ANKHD1: variants seen among roughly 807,000 people sequenced by gnomAD.
ANKHD1 encodes ankyrin repeat and KH domain containing 1, also known as ankyrin repeat and KH domain-containing protein 1.
ANKHD1 carries 31 observed loss-of-function variants against 230.5 expected under a neutral mutation model. That is an observed-to-expected ratio of 0.13 (90% CI 0.10 to 0.18). The LOEUF is 0.18. Among genes scored for constraint, ANKHD1 ranks in the 10% least tolerant of loss-of-function variants. The pLI is 1.00. For missense variants in ANKHD1, 2,256 were observed against 3,071.3 expected, an observed-to-expected ratio of 0.73 and a Z score of 6.27; for synonymous variants, 1,074 against 1,117.6, an observed-to-expected ratio of 0.96 and a Z score of 0.78.
chr5:140,411,916 A>G (rs1169739417), intron 1 of ANKHD1, among the ~76,000 whole-genome samples: 1 of 150,574 alleles, frequency 6.6e-6, no homozygotes, highest in East Asian at 2.0e-4. Flanking sequence ...TCACGATCGT[A>G]TGGCGCAATC....
At chr5:140,530,519 T>TA (rs1192413548) in intron 29 of ANKHD1, among the ~76,000 whole-genome samples, 1 of 152,204 alleles carries the variant, frequency 6.6e-6, no homozygotes, top group African/African-American at 2.4e-5. Context: ...CCAGCCTAGA[T>TA]ACAGCTATTT....
chr5:140,455,417 A>G (rs1350867265), intron 7 of ANKHD1, among the ~76,000 whole-genome samples: 1 of 152,208 alleles, frequency 6.6e-6, no homozygotes, highest in African/African-American at 2.4e-5. Context: ...ACAAAAAAAG[A>G]GAATTTTAGA....
At chr5:140,430,648 C>T (rs1450329769) in intron 1 of ANKHD1, among the ~76,000 whole-genome samples, 1 of 136,686 alleles carries the variant, frequency 7.3e-6, no homozygotes, top group East Asian at 2.4e-4. Flanking sequence ...TAAATGGTTT[C>T]CATCTTTTTT....
Position 140,527,136 on chromosome 5 carries a change from G to A in ANKHD1, c.5087+62G>A, listed in dbSNP as rs1753640145. ...TATTTTCCCTTTCTCATGTGAGATG[G>A]CTACCTAGTTAATTAATGAATAATT... is the stretch of plus-strand genomic sequence containing the variant. On this transcript the variant is annotated intron_variant, in intron 27 of 33. Transcript: ENST00000360839. This position sits in a 1 kb window ranked among gnomAD's most constrained non-coding sequence, Gnocchi z 4.5. The A allele has an allele frequency of 1.1e-5, 17 of 1,501,130 alleles. No homozygotes were observed. The South Asian group carries it at 2.2e-4, about 19-fold the overall frequency. 93.0% of individuals were successfully genotyped at this position (1,501,130 alleles called of 1,614,324 possible).
At chr5:140,526,686 T>C (rs1338867693) in intron 26 of ANKHD1, among the ~76,000 whole-genome samples, 1 of 82,652 alleles carries the variant, frequency 1.2e-5, no homozygotes, top group African/African-American at 3.7e-5. Flanking sequence ...ATTTGCATGC[T>C]TTGATTTTAT....
At chr5:140,483,015 A>G (rs1751352260) in intron 11 of ANKHD1, among the ~76,000 whole-genome samples, 1 of 152,188 alleles carries the variant, frequency 6.6e-6, no homozygotes, top group African/African-American at 2.4e-5. Context: ...TAAGTCTGCT[A>G]CTGTGGTACT....
intron 15 of ANKHD1, 23 bp downstream of exon 15, chr5:140,497,301 A>G (rs1243779272): frequency 6.4e-7 from 1 of 1,572,548 alleles, no homozygotes; most frequent in African/African-American, 1.4e-5. Flanking sequence ...ATATATCTGT[A>G]ATAATTTCTC....
In ANKHD1 at chr5:140,402,027, T is replaced by A; in HGVS notation, c.60T>A (p.Ala20=). The A allele has an allele frequency of 6.6e-7, 1 of 1,503,794 alleles. No individual in the cohort carries two copies. The highest frequency in any genetic ancestry group is 1.3e-5 in the South Asian group (1 of 75,598). 93.2% of individuals were successfully genotyped at this position (1,503,794 alleles called of 1,614,324 possible). Residue 20 remains alanine, a synonymous_variant, in exon 1 of 34, where the codon GCT becomes GCA. Transcript: ENST00000360839. ...TTGAGGAGGACCTGGACTCTGTGGCTCCGCGATCCGCCCCAGCTGGGGCCT... is the reference window on the plus strand; with the variant it reads ...TTGAGGAGGACCTGGACTCTGTGGCACCGCGATCCGCCCCAGCTGGGGCCT... ...TSFEEDLDSV[A]PRSAPAGASE... is the part of the protein sequence containing the mutation.
At chr5:140,449,969 T>C (rs964527727) in intron 7 of ANKHD1, among the ~76,000 whole-genome samples, 1 of 152,208 alleles carries the variant, frequency 6.6e-6, no homozygotes, top group Non-Finnish European at 1.5e-5. Context: ...ATACTTTTAA[T>C]ATACAATTCT....
chr5:140,528,129 T>C, intron 28 of ANKHD1, 55 bp from the exon 29 acceptor site: 1 of 218,202 alleles, frequency 4.6e-6, no homozygotes, highest in East Asian at 1.1e-4. Context: ...TAAGATTACC[T>C]TTTTTTTTTT....
At chr5:140,436,986 ATATAT>A (rs1773497317) in intron 2 of ANKHD1, among the ~76,000 whole-genome samples, 1 of 152,226 alleles carries the variant, frequency 6.6e-6, no homozygotes, top group Non-Finnish European at 1.5e-5. Context: ...GCAATGTGAA[ATATAT>A]TAAGTAGATA....
At chr5:140,511,803 G>A (rs1296652505) in intron 22 of ANKHD1, among the ~76,000 whole-genome samples, 1 of 152,182 alleles carries the variant, frequency 6.6e-6, no homozygotes, top group Non-Finnish European at 1.5e-5. Context: ...ACCCTAGAAG[G>A]TTCCCTCTTG....
intron 1 of ANKHD1, among the ~76,000 whole-genome samples, chr5:140,419,788 TTC>T (rs760958601): frequency 1.1e-4 from 10 of 87,962 alleles, no homozygotes; most frequent in Non-Finnish European, 2.0e-4. Flanking sequence ...CTTTCTTTCT[TTC>T]TTTCTTTCTT....
chr5:140,530,413 G>A (rs147107103), intron 29 of ANKHD1, among the ~76,000 whole-genome samples: 2,478 of 152,022 alleles, frequency 0.016, 74 homozygotes, highest in African/African-American at 0.056. Context: ...GGGTTTTGCC[G>A]TGTTACCCAG....
intron 10 of ANKHD1, among the ~76,000 whole-genome samples, chr5:140,477,916 A>G: frequency 6.6e-6 from 1 of 152,156 alleles, no homozygotes; most frequent in East Asian, 1.9e-4. Context: ...AGCCAGGAAA[A>G]TACTTTTATA....
chr5:140,485,916 CTTAT>C lies in ANKHD1; in HGVS notation c.2142+190_2142+193del, dbSNP rs1040003104. ...AAGGTACACTGAAATTTGTTATTGC[CTTAT>C]TTATTGAGAATAGTGGTTTTTAAAA... On this transcript the variant is annotated intron_variant, in intron 13 of 33. Coordinates refer to ENST00000360839, the MANE Select transcript of ANKHD1 (RefSeq NM_017747.3). This position sits in a 1 kb window ranked among gnomAD's most constrained non-coding sequence, Gnocchi z 4.8. 11 of 890,520 alleles carry C rather than the reference CTTAT, an allele frequency of 1.2e-5. No individual in the cohort carries two copies. The highest frequency in any genetic ancestry group is 3.4e-4 in the Middle Eastern group (1 of 2,974). The allele number at this position is 890,520 out of a possible 1,614,324, so 55.2% of individuals were successfully genotyped here.
chr5:140,407,987 G>A (rs1322093339), intron 1 of ANKHD1, among the ~76,000 whole-genome samples: 2 of 152,078 alleles, frequency 1.3e-5, no homozygotes, highest in East Asian at 3.9e-4. Flanking sequence ...GACCAGCCTG[G>A]CCAACATGGT....
chr5:140,522,508 A>G (rs1422724824), intron 24 of ANKHD1, among the ~76,000 whole-genome samples: 4 of 152,158 alleles, frequency 2.6e-5, no homozygotes, highest in Non-Finnish European at 5.9e-5. Flanking sequence ...GCATCTCTCA[A>G]TAATCATACT....
chr5:140,524,075 G>A lies in ANKHD1; in HGVS notation c.4327G>A (p.Glu1443Lys). The part of the protein sequence containing the change: ...KELDLEKSRE[E>K]SRKQALAAKR... The stretch of plus-strand genomic sequence containing the variant: ...CCTGCTTTATTTCCAGTCAAGAGAA[G>A]AGAGCAGAAAGCAGGCTCTTGCTGC... Residue 1443 changes from glutamate to lysine, a missense_variant, in exon 25 of 34, where the codon GAG becomes AAG. Glu to Lys is a moderately conservative substitution (Grantham distance 56). Transcript: ENST00000360839. The A allele has an allele frequency of 1.9e-6, 3 of 1,577,668 alleles. No homozygotes were observed. Among genetic ancestry groups the A allele is most frequent in the Non-Finnish European group, 2.6e-6 (3 of 1,171,000 alleles).
Sources: gnomAD v4.1 joint callset for allele counts (sites outside exome capture counted in the v4.1 genomes callset) on GRCh38, gnomAD v4.1.1 for gene constraint, Gnocchi (gnomAD v3.1) non-coding constraint, MANE v1.5 for transcripts, NCBI Gene and HGNC (gene_info 2026-07-23, HGNC 2026-07-21) for gene names.